CMSS1: variants seen among roughly 807,000 people sequenced by gnomAD.
CMSS1 encodes the protein protein CMSS1.
A neutral mutation model predicts 43.5 loss-of-function variants in CMSS1; 33 were observed. That is an observed-to-expected ratio of 0.76 (90% confidence interval 0.57 to 1.01). The LOEUF (loss-of-function observed/expected upper bound fraction) is 1.01. Among genes scored for constraint, CMSS1 ranks in the 50% least tolerant of loss-of-function variants. CMSS1 has a pLI of 0.00. For synonymous variants in CMSS1, 115 were observed against 117.2 expected (o/e 0.98, Z 0.12); for missense variants, 313 against 326.4 (o/e 0.96, Z 0.32).
rs762449426 is a variant in CMSS1, at chr3:100,171,825, CTTCTT to C, written c.519-10_519-6del. 3.7e-6 allele frequency: 6 copies of C among 1,612,716 alleles called. No individual in the cohort carries two copies. Among genetic ancestry groups the C allele is most frequent in the Non-Finnish European group, 5.1e-6 (6 of 1,178,942 alleles). ...GTTGGTTTTCTTAAGCATTCACCTG[CTTCTT>C]TTCATTAGGTCGATGACAGCATTCA... On this transcript the variant is annotated splice_polypyrimidine_tract_variant and intron_variant, in intron 6 of 9. Coordinates refer to ENST00000421999, the MANE Select transcript of CMSS1 (RefSeq NM_032359.4).
intron 1 of CMSS1, among the ~76,000 whole-genome samples, chr3:99,950,011 A>G (rs2107687333): frequency 6.6e-6 from 1 of 152,258 alleles, no homozygotes; most frequent in South Asian, 2.1e-4. Flanking sequence ...GTATGCTTCT[A>G]CCTTCGACTT....
At chr3:100,018,111 CAGGTCA>C (rs1390743447) in intron 1 of CMSS1, among the ~76,000 whole-genome samples, 3 of 152,020 alleles carry the variant, frequency 2.0e-5, no homozygotes, top group African/African-American at 7.2e-5. Flanking sequence ...GGCAGATCAC[CAGGTCA>C]AGAGATCGAG....
intron 1 of CMSS1, among the ~76,000 whole-genome samples, chr3:99,916,422 T>C (rs1038666007): frequency 1.3e-5 from 2 of 148,196 alleles, no homozygotes; most frequent in Non-Finnish European, 3.0e-5. Flanking sequence ...GCCAACACTT[T>C]ATAATAACGG....
intron 1 of CMSS1, among the ~76,000 whole-genome samples, chr3:100,078,401 A>G (rs756709424): frequency 5.3e-5 from 8 of 152,190 alleles, no homozygotes; most frequent in Non-Finnish European, 1.2e-4. Context: ...AATATAAAAC[A>G]TAATGGTTGT....
At chr3:100,002,340 G>C (rs901232819) in intron 1 of CMSS1, among the ~76,000 whole-genome samples, 1 of 152,176 alleles carries the variant, frequency 6.6e-6, no homozygotes, top group African/African-American at 2.4e-5. Flanking sequence ...ACAGAAGATA[G>C]GTCTTAATAC....
intron 1 of CMSS1, among the ~76,000 whole-genome samples, chr3:100,043,714 T>G (rs569394962): frequency 8.5e-5 from 13 of 152,362 alleles, no homozygotes; most frequent in African/African-American, 2.9e-4. Flanking sequence ...ATTTAGGGGA[T>G]ACAATGTGAT....
At chr3:99,835,245 T>C (rs957052527) in intron 1 of CMSS1, among the ~76,000 whole-genome samples, 8 of 152,234 alleles carry the variant, frequency 5.3e-5, no homozygotes, top group Admixed American at 1.3e-4. Flanking sequence ...AAAGGCCCAC[T>C]CACATGTCCT....
chr3:99,973,155 A>G (rs943534531), intron 1 of CMSS1, among the ~76,000 whole-genome samples: 3 of 152,232 alleles, frequency 2.0e-5, no homozygotes, highest in Non-Finnish European at 4.4e-5. Flanking sequence ...AGATTTTATG[A>G]TCTGCTTTAA....
Position 99,817,876 on chromosome 3 carries a change from G to A in CMSS1, c.-104G>A. On this transcript the variant is annotated 5_prime_UTR_variant, in exon 1 of 10. Transcript: ENST00000421999. ...GCGGAGGCGACAGTGTCTAGCGGGA[G>A]CTCCGCGTGTAGCTACGCCGGCCGC... 6.7e-6 allele frequency: 8 copies of A among 1,190,594 alleles called. No individual in the cohort carries two copies. In the East Asian group the frequency reaches 1.2e-4, roughly 18 times the overall value. 73.8% of individuals were successfully genotyped at this position (1,190,594 alleles called of 1,614,324 possible). A position where few individuals can be genotyped will look rare whatever the true frequency, so the allele number is the denominator to read the frequency against.
chr3:100,075,984 A>G (rs1344876414), intron 1 of CMSS1, among the ~76,000 whole-genome samples: 1 of 152,188 alleles, frequency 6.6e-6, no homozygotes, highest in East Asian at 1.9e-4. Flanking sequence ...CTCACTTTGA[A>G]GACACAAAAC....
intron 1 of CMSS1, among the ~76,000 whole-genome samples, chr3:99,999,939 A>G (rs1225625759): frequency 1.3e-5 from 2 of 152,196 alleles, no homozygotes; most frequent in South Asian, 2.1e-4. Context: ...TTGTGTTGAC[A>G]TAAAGGTATC....
At chr3:100,020,264 A>T (rs2064783597) in intron 1 of CMSS1, among the ~76,000 whole-genome samples, 1 of 152,198 alleles carries the variant, frequency 6.6e-6, no homozygotes, top group Admixed American at 6.5e-5. Context: ...TTCTGCAAAT[A>T]AATCATTTGC....
chr3:100,034,639 G>A (rs1223530948), intron 1 of CMSS1, among the ~76,000 whole-genome samples: 1 of 152,168 alleles, frequency 6.6e-6, no homozygotes, highest in Admixed American at 6.5e-5. Flanking sequence ...TAATCTGATA[G>A]CAAATGTCTA....
chr3:99,935,939 T>C (rs1356951258), intron 1 of CMSS1, among the ~76,000 whole-genome samples: 2 of 152,194 alleles, frequency 1.3e-5, no homozygotes, highest in Non-Finnish European at 2.9e-5. Context: ...TAAATAGAAG[T>C]CTATTCTACT....
intron 1 of CMSS1, among the ~76,000 whole-genome samples, chr3:99,963,094 G>A (rs1248038752): frequency 6.6e-6 from 1 of 152,210 alleles, no homozygotes; most frequent in Non-Finnish European, 1.5e-5. Flanking sequence ...GTCAAAGAGG[G>A]TTTAGCCTGC....
chr3:99,927,525 A>G (rs1347588765), intron 1 of CMSS1, among the ~76,000 whole-genome samples: 1 of 151,754 alleles, frequency 6.6e-6, no homozygotes, highest in Non-Finnish European at 1.5e-5. Context: ...ATGTGCCACC[A>G]CGCCCGGCTA....
intron 1 of CMSS1, among the ~76,000 whole-genome samples, chr3:100,132,591 C>T (rs1444807079): frequency 6.6e-6 from 1 of 151,624 alleles, no homozygotes; most frequent in Non-Finnish European, 1.5e-5. Context: ...AGGCTGAGGC[C>T]GGCAGATCAC....
At chr3:99,907,490 A>C (rs1051894309) in intron 1 of CMSS1, among the ~76,000 whole-genome samples, 1 of 151,660 alleles carries the variant, frequency 6.6e-6, no homozygotes, top group African/African-American at 2.4e-5. Context: ...CTCATGATCC[A>C]CCCGCCTCGG....
chr3:100,077,202 C>T (rs1454223128), intron 1 of CMSS1, among the ~76,000 whole-genome samples: 1 of 152,168 alleles, frequency 6.6e-6, no homozygotes. Context: ...ACATGTTGCT[C>T]GTAGGTTCCA....
Sources: gnomAD v4.1 joint callset for allele counts (sites outside exome capture counted in the v4.1 genomes callset) on GRCh38, gnomAD v4.1.1 for gene constraint, MANE v1.5 for transcripts, NCBI Gene and HGNC (gene_info 2026-07-23, HGNC 2026-07-21) for gene names.